The following LAYN variants were observed in gnomAD, a reference collection of about 807,000 sequenced individuals.
The protein encoded by LAYN is layilin.
A neutral mutation model predicts 43.6 loss-of-function variants in LAYN; 38 were observed. That is an observed-to-expected ratio of 0.87 (90% CI 0.67 to 1.14). The LOEUF (loss-of-function observed/expected upper bound fraction) is 1.14. LAYN is among the 50% of genes most tolerant of loss of function. The pLI is 0.00. For missense variants in LAYN, 479 were observed against 463.8 expected (o/e 1.03, Z -0.30); for synonymous variants, 168 against 172.9 (o/e 0.97, Z 0.22).
upstream of LAYN, chr11:111,540,691 C>G (rs1307982602): frequency 4.4e-6 from 3 of 682,518 alleles, no homozygotes; most frequent in African/African-American, 5.7e-5. Flanking sequence ...GGGCGACCGA[C>G]TGACTCCGCG....
chr11:111,552,154 T>C (rs771062668), intron 3 of LAYN, among the ~76,000 whole-genome samples: 6 of 152,182 alleles, frequency 3.9e-5, no homozygotes, highest in Non-Finnish European at 2.9e-5. Flanking sequence ...GGATATGGGA[T>C]AATTCTTTGT....
chr11:111,554,880 A>G (rs757254926), intron 4 of LAYN, among the ~76,000 whole-genome samples: 2 of 152,244 alleles, frequency 1.3e-5, no homozygotes, highest in African/African-American at 2.4e-5. Flanking sequence ...TGAGACCAAA[A>G]AAAATGAGCC....
chr11:111,555,645 A>T (rs571370818), intron 5 of LAYN, among the ~76,000 whole-genome samples: 1 of 152,370 alleles, frequency 6.6e-6, no homozygotes, highest in East Asian at 1.9e-4. Context: ...AACATCTATG[A>T]TTAATATTCA....
intron 2 of LAYN, among the ~76,000 whole-genome samples, chr11:111,548,585 T>C (rs1363036318): frequency 6.6e-6 from 1 of 152,162 alleles, no homozygotes; most frequent in Non-Finnish European, 1.5e-5. Flanking sequence ...GGAAATTCAA[T>C]CCAGTGAGTG....
At chr11:111,545,007 A>C (rs987438716) in intron 2 of LAYN, among the ~76,000 whole-genome samples, 11 of 151,594 alleles carry the variant, frequency 7.3e-5, no homozygotes, top group Non-Finnish European at 1.3e-4. Flanking sequence ...AGATTTTAAA[A>C]TATATTCTTT....
chr11:111,551,572 C>T (rs757705332), intron 3 of LAYN, among the ~76,000 whole-genome samples: 3 of 152,184 alleles, frequency 2.0e-5, no homozygotes, highest in Admixed American at 6.5e-5. Context: ...GCTCAATTCT[C>T]ACCACTTTAA....
At chr11:111,541,267 G>T (rs1031286392) in intron 1 of LAYN, 5 of 594,134 alleles carry the variant, frequency 8.4e-6, no homozygotes, top group Admixed American at 5.9e-5. Context: ...TCCTTTACAC[G>T]CATCGAATCA....
In LAYN at chr11:111,540,841, G is replaced by T. The variant is rs1203050877; in HGVS notation, c.-3G>T. 6.5e-7 allele frequency: 1 copy of T among 1,527,076 alleles called. No individual in the cohort carries two copies. The highest frequency in any genetic ancestry group is 8.7e-7 in the Non-Finnish European group (1 of 1,143,696). The allele number at this position is 1,527,076 out of a possible 1,614,324, so 94.6% of individuals were successfully genotyped here. On this transcript the variant is annotated 5_prime_UTR_variant, in exon 1 of 7. Transcript: ENST00000375614. ...GTGTCGGGGGGCGCACCCGAGTCGG[G>T]CCATGAGGCCGGGAACCGCGCTACA...
chr11:111,551,379 A>G, intron 3 of LAYN: 1 of 456,284 alleles, frequency 2.2e-6, no homozygotes, highest in Non-Finnish European at 4.4e-6. Context: ...CCCCATTGAA[A>G]CAGTTTATAG....
rs770233875 is a variant in LAYN, at chr11:111,560,458, G to C, written c.1125G>C (p.Ter375TyrextTer3). The C allele has an allele frequency of 6.3e-7, 1 of 1,594,610 alleles. No homozygotes were observed. The highest frequency in any genetic ancestry group is 1.8e-5 in the Admixed American group (1 of 55,980). Reference protein sequence around the residue: ...GWVENEIYGY* With the variant: ...GWVENEIYGYY Reference sequence around the variant, plus strand: ...TGGAAAATGAAATATATGGTTATTAGGACATATAAAAAACTGAAACTGACA... The same window carrying C: ...TGGAAAATGAAATATATGGTTATTACGACATATAAAAAACTGAAACTGACA... Residue 375 changes from the stop codon to tyrosine, a stop_lost, in exon 7 of 7, where the codon TAG becomes TAC. Coordinates refer to ENST00000375614, the MANE Select transcript of LAYN (RefSeq NM_178834.5).
At chr11:111,559,523 G>GGT (rs1565276209) in intron 6 of LAYN, among the ~76,000 whole-genome samples, 1 of 151,608 alleles carries the variant, frequency 6.6e-6, no homozygotes, top group Admixed American at 6.6e-5. Flanking sequence ...GGAGTGCAGC[G>GGT]GTACCATCAC....
rs149186676 is a variant in LAYN, at chr11:111,560,931, GAAT to G, written c.*479_*481del. On this transcript the variant is annotated 3_prime_UTR_variant, in exon 7 of 7. Transcript: ENST00000375614. ...AATTCTCATATCTGTTTTTTTCAAA[GAAT>G]AATAAAATCAAATAAAGAGCAGGAA... 147,076 of 153,350 alleles carry G rather than the reference GAAT, an allele frequency of 0.96. 70,838 individuals are homozygous for G. Among genetic ancestry groups the G allele is most frequent in the East Asian group, 1 (5,208 of 5,208 alleles). 9.5% of individuals were successfully genotyped at this position (153,350 alleles called of 1,614,324 possible). A position where few individuals can be genotyped will look rare whatever the true frequency, so the allele number is the denominator to read the frequency against.
chr11:111,549,590 G>C (rs1867703750), intron 2 of LAYN, 28 bp from the exon 3 acceptor site: 1 of 1,494,746 alleles, frequency 6.7e-7, no homozygotes, highest in South Asian at 1.4e-5. Context: ...TTCTCCAGTT[G>C]CCTCTACTGC....
chr11:111,560,143 G>A lies in LAYN; in HGVS notation c.810G>A (p.Trp270Ter), dbSNP rs779486230. The change falls in exon 7 of 7, where the codon TGG becomes TGA. Residue 270 changes from tryptophan (W) to a stop codon, truncating the protein, a stop_gained. Transcript: ENST00000375614. LOFTEE classifies it high-confidence loss of function. ...GCACAAAGAAGCAACACACCATCTG[G>A]CCCTCTCCTCACCAGGGAAACAGCC... ...DPSTKKQHTI[W>*]PSPHQGNSPD... The A allele has an allele frequency of 1.2e-6, 2 of 1,614,132 alleles. No individual in the cohort carries two copies. The highest frequency in any genetic ancestry group is 1.1e-5 in the South Asian group (1 of 91,060).
At chr11:111,541,288 C>G in intron 1 of LAYN, 1 of 601,046 alleles carries the variant, frequency 1.7e-6, no homozygotes, top group Non-Finnish European at 3.0e-6. Context: ...GTCCTTGGGA[C>G]CACCCCCGCG....
intron 3 of LAYN, among the ~76,000 whole-genome samples, chr11:111,552,078 T>TAGAA (rs148816419): frequency 0.015 from 2,344 of 151,710 alleles, 71 homozygotes; most frequent in African/African-American, 0.053. Flanking sequence ...GATACAAAGA[T>TAGAA]AGAGGAGAGA....
In LAYN at chr11:111,547,825, T is replaced by A. The variant is rs149052453; in HGVS notation, c.384-1793T>A. ...TGCCATCTTTCCCTGGATAAGATATTGTTGTTGATTTATTATCATGGCAGG... is the reference window on the plus strand; with the variant it reads ...TGCCATCTTTCCCTGGATAAGATATAGTTGTTGATTTATTATCATGGCAGG... On this transcript the variant is annotated intron_variant, in intron 2 of 6. Transcript: ENST00000375614. 4.7e-5 allele frequency among the ~76,000 whole-genome samples: 7 copies of A among 149,916 alleles called. No individual in the cohort carries two copies. The East Asian group carries it at 1.4e-3, about 29-fold the overall frequency.
At chr11:111,545,456 T>C (rs1222176783) in intron 2 of LAYN, among the ~76,000 whole-genome samples, 1 of 152,168 alleles carries the variant, frequency 6.6e-6, no homozygotes, top group Non-Finnish European at 1.5e-5. Context: ...ACCATCAAAA[T>C]TGGGCAAGCA....
chr11:111,545,489 G>A (rs1197639101), intron 2 of LAYN, among the ~76,000 whole-genome samples: 1 of 152,156 alleles, frequency 6.6e-6, no homozygotes, highest in East Asian at 1.9e-4. Context: ...TACCCAAATA[G>A]ATAACTCCTT....
Sources: allele counts gnomAD v4.1 joint callset (sites outside exome capture counted in the v4.1 genomes callset), GRCh38; gene constraint gnomAD v4.1.1; transcripts MANE v1.5; gene names NCBI Gene and HGNC (gene_info 2026-07-23, HGNC 2026-07-21).